Variants in GALNTL6 observed in about 807,000 individuals in gnomAD.
GALNTL6 encodes the protein polypeptide N-acetylgalactosaminyltransferase like 6.
Under a neutral mutation model 73.7 loss-of-function variants are expected in GALNTL6, and 46 were observed. The ratio of observed to expected loss-of-function variants is 0.62; its 90% CI spans 0.49 to 0.80. GALNTL6 has a LOEUF of 0.80. GALNTL6 is among the 30% of genes least tolerant of loss of function. The probability of loss-of-function intolerance (pLI) is 0.00; values close to 1 mark genes in which losing one functional copy is unlikely to be tolerated. For missense variants in GALNTL6, 604 were observed against 755.0 expected, an observed-to-expected ratio of 0.80 and a Z score of 2.34; for synonymous variants, 259 against 263.7, an observed-to-expected ratio of 0.98 and a Z score of 0.17.
chr4:172,947,583 T>C (rs868467910), intron 9 of GALNTL6, among the ~76,000 whole-genome samples: 891 of 10,558 alleles, frequency 0.084, 9 homozygotes, highest in Middle Eastern at 0.5. Context: ...CCTTGATAAA[T>C]TTTTTTTTTT....
intron 7 of GALNTL6, among the ~76,000 whole-genome samples, chr4:172,826,025 C>T (rs901775972): frequency 6.6e-6 from 1 of 152,142 alleles, no homozygotes; most frequent in African/African-American, 2.4e-5. Context: ...ACAGTTACAA[C>T]TCAAGTGGGC....
chr4:171,882,832 T>A (rs1736488273), intron 2 of GALNTL6, among the ~76,000 whole-genome samples: 1 of 152,222 alleles, frequency 6.6e-6, no homozygotes, highest in Non-Finnish European at 1.5e-5. Context: ...AAGTTGACAC[T>A]CAATACTAAC....
At chr4:172,302,818 TA>T (rs1739987306) in intron 3 of GALNTL6, among the ~76,000 whole-genome samples, 1 of 152,036 alleles carries the variant, frequency 6.6e-6, no homozygotes, top group Non-Finnish European at 1.5e-5. Context: ...CTTTTTTTTT[TA>T]AGAAGGAATC....
intron 2 of GALNTL6, among the ~76,000 whole-genome samples, chr4:172,034,540 G>T (rs1187762349): frequency 6.6e-6 from 1 of 151,386 alleles, no homozygotes; most frequent in Non-Finnish European, 1.5e-5. Context: ...ATTTTCTTTG[G>T]CAAGTCAGAC....
intron 5 of GALNTL6, among the ~76,000 whole-genome samples, chr4:172,805,992 AAG>A (rs1740935951): frequency 6.6e-6 from 1 of 152,212 alleles, no homozygotes; most frequent in African/African-American, 2.4e-5. Context: ...AAATAAGAAA[AAG>A]AGAAAAATGA....
intron 3 of GALNTL6, among the ~76,000 whole-genome samples, chr4:172,261,758 A>G (rs1579310517): frequency 1.3e-5 from 2 of 151,090 alleles, no homozygotes; most frequent in East Asian, 3.9e-4. Flanking sequence ...TCCTCTGAGC[A>G]CTCCTTTTGC....
chr4:171,968,122 T>C (rs770043153), intron 2 of GALNTL6, among the ~76,000 whole-genome samples: 5 of 152,188 alleles, frequency 3.3e-5, no homozygotes, highest in Non-Finnish European at 4.4e-5. Flanking sequence ...CTCTCCACTT[T>C]TTATTCTCAA....
At position 172,071,935 on chromosome 4, in the gene GALNTL6, T is replaced by A. The variant is rs1349677000; in HGVS notation, c.139-157721T>A. Among the ~76,000 whole-genome samples, 5 of 152,196 alleles carry A rather than the reference T, an allele frequency of 3.3e-5. No homozygotes were observed. The East Asian group carries it at 7.7e-4, about 23-fold the overall frequency. ...TGCTTGGGCTTAGGAAAGTTATCTG[T>A]TCATAAGTCCTCTTATTTGGGATCA... On this transcript the variant is annotated intron_variant, in intron 2 of 12. Coordinates refer to ENST00000506823, the MANE Select transcript of GALNTL6 (RefSeq NM_001034845.3).
At chr4:172,078,871 A>C (rs1271471551) in intron 2 of GALNTL6, among the ~76,000 whole-genome samples, 2 of 152,182 alleles carry the variant, frequency 1.3e-5, no homozygotes, top group African/African-American at 2.4e-5. Flanking sequence ...AAAAAACTTT[A>C]TAAAACAAAT....
In GALNTL6 at chr4:172,935,752, T is replaced by G. The variant is rs139211988; in HGVS notation, c.1149+4484T>G. ...ACCAGGAAGAAGTCAAATCCCTGAA[T>G]AGACCAATAACAAGGTCTGAAATTG... On this transcript the variant is annotated intron_variant, in intron 9 of 12. Transcript: ENST00000506823. Among the ~76,000 whole-genome samples the G allele has an allele frequency of 4.4e-3, 674 of 152,306 alleles. 6 individuals carry two copies. Among genetic ancestry groups the G allele is most frequent in the African/African-American group, 0.015 (634 of 41,566 alleles).
At chr4:173,000,273 C>A (rs895766319) in intron 10 of GALNTL6, among the ~76,000 whole-genome samples, 1 of 152,114 alleles carries the variant, frequency 6.6e-6, no homozygotes, top group African/African-American at 2.4e-5. Flanking sequence ...AAACTCTGGG[C>A]AGTCTAACTT....
intron 11 of GALNTL6, among the ~76,000 whole-genome samples, chr4:173,014,540 T>A (rs1455931869): frequency 6.6e-6 from 1 of 152,144 alleles, no homozygotes; most frequent in Non-Finnish European, 1.5e-5. Flanking sequence ...AGCAAGCAAA[T>A]GTGTGCATCC....
At chr4:172,912,312 A>C (rs1358754229) in intron 8 of GALNTL6, among the ~76,000 whole-genome samples, 1 of 152,218 alleles carries the variant, frequency 6.6e-6, no homozygotes, top group Non-Finnish European at 1.5e-5. Context: ...GCAACGCAGA[A>C]GACGGGTGAT....
intron 2 of GALNTL6, among the ~76,000 whole-genome samples, chr4:172,200,486 A>G (rs1735917750): frequency 6.6e-6 from 1 of 152,218 alleles, no homozygotes; most frequent in South Asian, 2.1e-4. Context: ...CAAGTTGTGG[A>G]ATGAAACAAA....
intron 2 of GALNTL6, among the ~76,000 whole-genome samples, chr4:171,918,435 C>A (rs751349939): frequency 6.6e-6 from 1 of 152,018 alleles, no homozygotes; most frequent in African/African-American, 2.4e-5. Context: ...AATCTCATAA[C>A]GCAAAAGAGT....
At chr4:172,530,861 A>G (rs542889848) in intron 5 of GALNTL6, among the ~76,000 whole-genome samples, 14 of 149,496 alleles carry the variant, frequency 9.4e-5, no homozygotes, top group Non-Finnish European at 1.8e-4. Flanking sequence ...GGAAAATAAG[A>G]TGTCAGACAA....
At chr4:172,869,366 C>T (rs1301400483) in intron 7 of GALNTL6, among the ~76,000 whole-genome samples, 1 of 152,014 alleles carries the variant, frequency 6.6e-6, no homozygotes, top group Non-Finnish European at 1.5e-5. Context: ...CACAAATTTG[C>T]GTATATTTGA....
intron 3 of GALNTL6, among the ~76,000 whole-genome samples, chr4:172,256,469 G>A (rs554752712): frequency 4.6e-5 from 7 of 151,510 alleles, no homozygotes; most frequent in East Asian, 3.9e-4. Context: ...TGTAATTGGC[G>A]CAAATGTGTA....
intron 5 of GALNTL6, among the ~76,000 whole-genome samples, chr4:172,498,569 C>A (rs1178141449): frequency 6.6e-6 from 1 of 152,044 alleles, no homozygotes; most frequent in African/African-American, 2.4e-5. Context: ...GGTGATACAT[C>A]TAATTTTTAT....
Sources: allele counts gnomAD v4.1 joint callset (sites outside exome capture counted in the v4.1 genomes callset), GRCh38; gene constraint gnomAD v4.1.1; transcripts MANE v1.5; gene names NCBI Gene and HGNC (gene_info 2026-07-23, HGNC 2026-07-21).